Variants in DPY30 observed in about 807,000 individuals in gnomAD.
DPY30 encodes protein dpy-30 homolog.
DPY30 carries 6 observed loss-of-function variants against 16.2 expected under a neutral mutation model. That is an observed-to-expected ratio of 0.37 (90% CI 0.20 to 0.73). The LOEUF is 0.73. DPY30 is among the 30% of genes least tolerant of loss of function. The probability of loss-of-function intolerance (pLI) is 0.51; values close to 1 mark genes in which losing one functional copy is unlikely to be tolerated. For synonymous variants in DPY30, 39 were observed against 38.8 expected (o/e 1.00, Z -0.02); for missense variants, 73 against 113.1 (o/e 0.65, Z 1.61).
chr2:32,034,405 C>T (rs1445178720), intron 3 of DPY30, among the ~76,000 whole-genome samples: 1 of 152,120 alleles, frequency 6.6e-6, no homozygotes, highest in East Asian at 1.9e-4. Flanking sequence ...TGTCACATAA[C>T]AAGAGAGGGA....
At chr2:32,027,933 T>C (rs769787420) in intron 4 of DPY30, among the ~76,000 whole-genome samples, 1 of 152,116 alleles carries the variant, frequency 6.6e-6, no homozygotes, top group Non-Finnish European at 1.5e-5. Context: ...CGGCCCAAGA[T>C]ACCCATATTT....
intron 3 of DPY30, among the ~76,000 whole-genome samples, chr2:32,038,791 T>C (rs1370594659): frequency 6.6e-6 from 1 of 151,546 alleles, no homozygotes; most frequent in Non-Finnish European, 1.5e-5. Context: ...AGGATTACAG[T>C]CATCCACCAT....
chr2:32,021,836 T>C (rs943151961), downstream of DPY30, among the ~76,000 whole-genome samples: 22 of 152,138 alleles, frequency 1.4e-4, no homozygotes, highest in Admixed American at 1.1e-3. Flanking sequence ...TTTATACTTA[T>C]ATTTGAAAAG....
At chr2:32,023,897 T>C, downstream of DPY30, 2 of 1,333,938 alleles carry the variant, frequency 1.5e-6, no homozygotes, top group African/African-American at 1.5e-5. Context: ...AAAACTACTT[T>C]AAAATAATGG....
chr2:32,023,867 A>C (rs1294152631), downstream of DPY30: 5 of 1,322,196 alleles, frequency 3.8e-6, no homozygotes, highest in African/African-American at 1.5e-5. Flanking sequence ...AATCATGTAA[A>C]ATATTTGTCA....
At chr2:32,026,662 G>C (rs1337291131) in intron 4 of DPY30, among the ~76,000 whole-genome samples, 2 of 147,210 alleles carry the variant, frequency 1.4e-5, no homozygotes, top group Non-Finnish European at 3.0e-5. Context: ...ACGATGGCAG[G>C]CGCCTGTAGT....
chr2:32,024,614 C>T (rs553367840), intron 4 of DPY30, among the ~76,000 whole-genome samples: 12 of 152,148 alleles, frequency 7.9e-5, no homozygotes, highest in Non-Finnish European at 8.8e-5. Context: ...GATCTGACTG[C>T]AAGCTACACA....
At chr2:32,012,758 C>T (rs1054144362) in intron 5 of DPY30, among the ~76,000 whole-genome samples, 1 of 152,022 alleles carries the variant, frequency 6.6e-6, no homozygotes, top group African/African-American at 2.4e-5. Flanking sequence ...TTAGAGGTAA[C>T]AGAAAAAAGA....
At chr2:32,021,954 A>G (rs906020438), downstream of DPY30, among the ~76,000 whole-genome samples, 2 of 152,204 alleles carry the variant, frequency 1.3e-5, no homozygotes, top group Admixed American at 6.5e-5. Context: ...TCACACCCAT[A>G]ATCCTAGCAC....
chr2:32,036,463 A>T (rs1332794329), intron 3 of DPY30, among the ~76,000 whole-genome samples: 1 of 152,018 alleles, frequency 6.6e-6, no homozygotes, highest in East Asian at 1.9e-4. Context: ...CGAGGTCAGG[A>T]GATCGAGACC....
intron 3 of DPY30, among the ~76,000 whole-genome samples, chr2:32,031,192 G>C (rs1222673002): frequency 6.6e-6 from 1 of 151,984 alleles, no homozygotes; most frequent in Non-Finnish European, 1.5e-5. Context: ...GGAGGCCAAG[G>C]CACGCCGACC....
chr2:32,039,199 C>CA (rs1214451052), intron 3 of DPY30, 80 bp downstream of exon 3: 2 of 1,565,208 alleles, frequency 1.3e-6, no homozygotes, highest in African/African-American at 2.7e-5. Context: ...TGTGCATAGC[C>CA]ACCTAGTAAA....
At chr2:32,022,924 T>G (rs773224944), downstream of DPY30, among the ~76,000 whole-genome samples, 22 of 152,168 alleles carry the variant, frequency 1.4e-4, no homozygotes, top group Non-Finnish European at 2.8e-4. Context: ...CACTGACATT[T>G]TAAGCTAGAT....
chr2:32,015,929 G>T (rs1675056575), intron 5 of DPY30, among the ~76,000 whole-genome samples: 1 of 151,344 alleles, frequency 6.6e-6, no homozygotes, highest in African/African-American at 2.4e-5. Flanking sequence ...GTCTTGCTCT[G>T]TTGCCCAGGG....
intron 3 of DPY30, among the ~76,000 whole-genome samples, chr2:32,030,807 T>C (rs1427729084): frequency 6.6e-6 from 1 of 151,704 alleles, no homozygotes; most frequent in Admixed American, 6.6e-5. Context: ...TCTAAATAAA[T>C]AAATAAATCT....
downstream of DPY30, chr2:32,023,542 T>C: frequency 2.0e-6 from 1 of 501,128 alleles, no homozygotes; most frequent in African/African-American, 2.0e-5. Context: ...TAAGTAAAAA[T>C]GTACTATGCC....
At chr2:32,014,349 C>T (rs938811466) in intron 5 of DPY30, among the ~76,000 whole-genome samples, 6 of 152,188 alleles carry the variant, frequency 3.9e-5, no homozygotes, top group African/African-American at 7.2e-5. Context: ...TTGCCAGGCA[C>T]AGTGGCACAC....
intron 3 of DPY30, among the ~76,000 whole-genome samples, chr2:32,034,401 A>C (rs1375247042): frequency 6.6e-6 from 1 of 152,194 alleles, no homozygotes; most frequent in Non-Finnish European, 1.5e-5. Context: ...GGTGTGTCAC[A>C]TAACAAGAGA....
At chr2:32,028,476 TAAAG>T (rs2148660730) in intron 4 of DPY30, among the ~76,000 whole-genome samples, 1 of 152,270 alleles carries the variant, frequency 6.6e-6, no homozygotes, top group East Asian at 1.9e-4. Context: ...GAAAACATGT[TAAAG>T]AAAGAGAAAT....
Sources: gnomAD v4.1 joint callset for allele counts (sites outside exome capture counted in the v4.1 genomes callset) on GRCh38, gnomAD v4.1.1 for gene constraint, MANE v1.5 for transcripts, NCBI Gene and HGNC (gene_info 2026-07-23, HGNC 2026-07-21) for gene names.